The following PCGF3 variants were observed in gnomAD, a reference collection of about 807,000 sequenced individuals.
PCGF3 encodes polycomb group ring finger 3.
In PCGF3, 7 loss-of-function variants were observed where a neutral mutation model predicts 33.1. The ratio of observed to expected loss-of-function variants is 0.21; its 90% CI spans 0.12 to 0.40. The LOEUF is 0.40. Among genes scored for constraint, PCGF3 ranks in the 10% least tolerant of loss-of-function variants. The pLI is 1.00. For synonymous variants in PCGF3, 153 were observed against 121.3 expected (o/e 1.26, Z -1.72); for missense variants, 211 against 313.3 (o/e 0.67, Z 2.46).
chr4:728,456 G>C (rs1743419631), intron 1 of PCGF3, among the ~76,000 whole-genome samples: 1 of 151,910 alleles, frequency 6.6e-6, no homozygotes, highest in Non-Finnish European at 1.5e-5. Flanking sequence ...AGTGTCGTAA[G>C]TAATCTGGGG....
At chr4:764,899 G>C in intron 9 of PCGF3, 85 bp from the exon 10 acceptor site, 1 of 878,522 alleles carries the variant, frequency 1.1e-6, no homozygotes, top group Admixed American at 1.9e-5. Context: ...GGGAGGGGCT[G>C]CAGATTTCAT....
intron 1 of PCGF3, among the ~76,000 whole-genome samples, chr4:709,018 G>C (rs1742451990): frequency 6.6e-6 from 1 of 152,162 alleles, no homozygotes; most frequent in South Asian, 2.1e-4. Context: ...TTTGGAAGTG[G>C]TAATGAAAAA....
rs1745342223 is a variant in PCGF3, at chr4:765,887, T to C, written c.682-145T>C. 1.1e-5 allele frequency: 8 copies of C among 695,748 alleles called. No individual in the cohort carries two copies. The South Asian group carries it at 1.4e-4, about 12-fold the overall frequency. The allele number at this position is 695,748 out of a possible 1,614,324, so 43.1% of individuals were successfully genotyped here. A position where few individuals can be genotyped will look rare whatever the true frequency, so the allele number is the denominator to read the frequency against. On this transcript the variant is annotated intron_variant, in intron 10 of 10. Transcript: ENST00000362003. ...AGCAACTTCTGGGGGACCCTTCTGTTGCTCAGAACAGAAGGGTCTCTGTGC... is the reference window on the plus strand; with the variant it reads ...AGCAACTTCTGGGGGACCCTTCTGTCGCTCAGAACAGAAGGGTCTCTGTGC...
intron 6 of PCGF3, among the ~76,000 whole-genome samples, chr4:740,202 G>T (rs1744026086): frequency 6.6e-6 from 1 of 152,242 alleles, no homozygotes; most frequent in Non-Finnish European, 1.5e-5. Flanking sequence ...GGGTCCAGGT[G>T]TCTGTTTTGG....
intron 5 of PCGF3, among the ~76,000 whole-genome samples, chr4:735,523 C>T (rs929063126): frequency 1.2e-4 from 17 of 141,646 alleles, no homozygotes; most frequent in Middle Eastern, 3.6e-3. Context: ...TCCAGCCTGG[C>T]GACAGAGCGA....
At chr4:729,200 A>C (rs1743452197) in intron 1 of PCGF3, among the ~76,000 whole-genome samples, 1 of 149,548 alleles carries the variant, frequency 6.7e-6, no homozygotes, top group Non-Finnish European at 1.5e-5. Flanking sequence ...GGATCACTTG[A>C]CCCCAGTAGT....
intron 8 of PCGF3, among the ~76,000 whole-genome samples, chr4:751,814 G>A (rs759449106): frequency 2.6e-5 from 4 of 152,100 alleles, no homozygotes; most frequent in South Asian, 2.1e-4. Context: ...CAGAGCAGCC[G>A]AGGCTCAGGG....
intron 8 of PCGF3, among the ~76,000 whole-genome samples, chr4:749,877 G>A (rs1050381257): frequency 6.6e-6 from 1 of 152,196 alleles, no homozygotes; most frequent in Non-Finnish European, 1.5e-5. Context: ...GAGTGCAATG[G>A]TGCAATCACA....
intron 9 of PCGF3, chr4:762,258 G>A (rs1399603064): frequency 2.8e-5 from 7 of 250,886 alleles, no homozygotes; most frequent in Non-Finnish European, 3.8e-5. Flanking sequence ...TAAATCCCAT[G>A]ACACAAGTGA....
At chr4:767,031 C>T (rs4690194) in exon 11 of PCGF3, 33,336 of 152,236 alleles carry the variant, frequency 0.22, 4,379 homozygotes, top group Middle Eastern at 0.37. Flanking sequence ...GCTTCGGGCT[C>T]ATGCCCAGAC....
intron 1 of PCGF3, among the ~76,000 whole-genome samples, chr4:722,698 T>TGTCTGCGCTGGGTCCACACTCGCGTCATC: frequency 2.6e-5 from 1 of 38,818 alleles, no homozygotes; most frequent in East Asian, 7.6e-4. Context: ...CGTCATCACC[T>TGTCTGCGCTGGGTCCACACTCGCGTCATC]GTCTGCGCTG....
chr4:740,473 C>T (rs532497536), intron 6 of PCGF3, among the ~76,000 whole-genome samples: 11 of 152,290 alleles, frequency 7.2e-5, no homozygotes, highest in East Asian at 1.9e-4. Flanking sequence ...CTCTTTCACT[C>T]GGTGGGCGTG....
intron 3 of PCGF3, among the ~76,000 whole-genome samples, chr4:733,189 G>C (rs968776349): frequency 1.3e-5 from 2 of 151,592 alleles, no homozygotes; most frequent in African/African-American, 4.9e-5. Flanking sequence ...GGAGGAAGGG[G>C]TGTGAGCATA....
chr4:742,857 G>A (rs1744153962), intron 6 of PCGF3, among the ~76,000 whole-genome samples: 1 of 152,236 alleles, frequency 6.6e-6, no homozygotes, highest in African/African-American at 2.4e-5. Flanking sequence ...GCTCATAGCT[G>A]TGAGCAGCCC....
In PCGF3 at chr4:743,598, G is replaced by A. The variant is rs766006549; in HGVS notation, c.373+14G>A. On this transcript the variant is annotated intron_variant, in intron 7 of 10. Coordinates refer to ENST00000362003, the Ensembl canonical transcript of PCGF3. The stretch of plus-strand genomic sequence containing the variant: ...CCCATCGGAATGGTGAGTGCCCTGC[G>A]TGCCCATCCAGAAGCCCCGGGAATC... 63 of 1,491,998 alleles carry A rather than the reference G, an allele frequency of 4.2e-5. 2 individuals carry two copies. Among genetic ancestry groups the A allele is most frequent in the Middle Eastern group, 1.7e-4 (1 of 5,808 alleles). The allele number at this position is 1,491,998 out of a possible 1,614,324, so 92.4% of individuals were successfully genotyped here.
chr4:728,664 C>T (rs1199649013), intron 1 of PCGF3, among the ~76,000 whole-genome samples: 1 of 152,138 alleles, frequency 6.6e-6, no homozygotes, highest in African/African-American at 2.4e-5. Flanking sequence ...TATTGTCTGT[C>T]TTCCTTCATT....
At position 761,539 on chromosome 4, in the gene PCGF3, A is replaced by T. The variant is rs1745058029; in HGVS notation, c.600+123A>T. 3.5e-6 allele frequency: 5 copies of T among 1,423,184 alleles called. No homozygotes were observed. The South Asian group carries it at 7.2e-5, about 21-fold the overall frequency. The allele number at this position is 1,423,184 out of a possible 1,614,324, so 88.2% of individuals were successfully genotyped here. A position where few individuals can be genotyped will look rare whatever the true frequency, so the allele number is the denominator to read the frequency against. ...ATTTTGGAGATTTTAACCAGAAAAA[A>T]ATCCGTTTTGCCTGCTTCACCGGGG... On this transcript the variant is annotated intron_variant, in intron 9 of 10. Coordinates refer to ENST00000362003, the Ensembl canonical transcript of PCGF3.
At position 730,675 on chromosome 4, in the gene PCGF3, G is replaced by A. The variant is rs570220233; in HGVS notation, c.-151+7G>A. The A allele has an allele frequency of 1.9e-4, 41 of 212,376 alleles. No individual in the cohort carries two copies. Among genetic ancestry groups the A allele is most frequent in the African/African-American group, 8.2e-4 (36 of 43,942 alleles). 13.2% of individuals were successfully genotyped at this position (212,376 alleles called of 1,614,324 possible). ...CCCCAGGCGTCGTGCTCAGGTAAGT[G>A]CGCGTAGGCCGACTGCCCTCTTCTT... On this transcript the variant is annotated splice_region_variant and intron_variant, in intron 2 of 10. Coordinates refer to ENST00000362003, the Ensembl canonical transcript of PCGF3.
intron 1 of PCGF3, among the ~76,000 whole-genome samples, chr4:730,120 C>G (rs1165659540): frequency 1.3e-5 from 2 of 152,156 alleles, no homozygotes; most frequent in Admixed American, 6.5e-5. Context: ...TCAGTGCCCA[C>G]GCCGGGGCCC....
Sources: gnomAD v4.1 joint callset for allele counts (sites outside exome capture counted in the v4.1 genomes callset) on GRCh38, gnomAD v4.1.1 for gene constraint, MANE v1.5 for transcripts, NCBI Gene and HGNC (gene_info 2026-07-23, HGNC 2026-07-21) for gene names.